Variants in CHST3 observed in about 807,000 individuals in gnomAD.
CHST3 encodes the protein C6ST-1.
CHST3 carries 20 observed loss-of-function variants against 35.4 expected under a neutral mutation model. The observed-to-expected ratio is 0.57, with a 90% CI of 0.40 to 0.82. CHST3 has a LOEUF of 0.82. Ranked by LOEUF, CHST3 falls within the 40% of genes least tolerant of loss-of-function variation. The probability of loss-of-function intolerance (pLI) is 0.00; values close to 1 mark genes in which losing one functional copy is unlikely to be tolerated. For synonymous variants in CHST3, 334 were observed against 295.9 expected (o/e 1.13, Z -1.32); for missense variants, 693 against 670.1 (o/e 1.03, Z -0.38).
intron 1 of CHST3, among the ~76,000 whole-genome samples, chr10:71,979,413 A>G (rs371593560): frequency 2.3e-4 from 34 of 148,774 alleles, no homozygotes; most frequent in Middle Eastern, 3.4e-3. Context: ...GTTAGATGGC[A>G]GGAGAGGGGT....
chr10:72,007,141 C>T, intron 2 of CHST3, 31 bp from the exon 3 acceptor site: 4 of 1,611,298 alleles, frequency 2.5e-6, no homozygotes, highest in Non-Finnish European at 3.4e-6. Flanking sequence ...CCCCAGTCAG[C>T]CACTGACCCT....
chr10:71,983,495 G>C (rs1419949395), intron 1 of CHST3, among the ~76,000 whole-genome samples: 1 of 152,098 alleles, frequency 6.6e-6, no homozygotes, highest in Admixed American at 6.5e-5. Flanking sequence ...CTGTTGCCCA[G>C]GCTAGAGTGC....
intron 1 of CHST3, among the ~76,000 whole-genome samples, chr10:71,975,437 C>T (rs1839735960): frequency 6.6e-6 from 1 of 152,156 alleles, no homozygotes; most frequent in South Asian, 2.1e-4. Context: ...AACATTTGCC[C>T]GATAAATTGT....
At chr10:71,986,426 G>A (rs1451814963) in intron 1 of CHST3, among the ~76,000 whole-genome samples, 2 of 152,188 alleles carry the variant, frequency 1.3e-5, no homozygotes, top group African/African-American at 2.4e-5. Context: ...TAAAACAGCC[G>A]CAGCAGATTC....
intron 1 of CHST3, among the ~76,000 whole-genome samples, chr10:71,989,177 GAAAA>G (rs1200207868): frequency 1.3e-5 from 2 of 151,912 alleles, no homozygotes; most frequent in Non-Finnish European, 2.9e-5. Flanking sequence ...AAGAAAGAAA[GAAAA>G]AGAAAGGAAG....
intron 1 of CHST3, among the ~76,000 whole-genome samples, chr10:72,000,043 C>A (rs907541647): frequency 3.9e-5 from 6 of 152,208 alleles, no homozygotes; most frequent in Admixed American, 3.9e-4. Flanking sequence ...AGTTGGTGGC[C>A]ATGGTTCGCA....
At chr10:72,007,014 A>G (rs939334086) in intron 2 of CHST3, among the ~76,000 whole-genome samples, 158 bp from the exon 3 acceptor site, 1 of 152,172 alleles carries the variant, frequency 6.6e-6, no homozygotes, top group Non-Finnish European at 1.5e-5. Flanking sequence ...TCATGTCCCA[A>G]ATAAACTTAC....
intron 1 of CHST3, among the ~76,000 whole-genome samples, chr10:71,987,485 G>A (rs560741941): frequency 5.9e-5 from 9 of 151,938 alleles, no homozygotes; most frequent in South Asian, 4.2e-4. Flanking sequence ...AGGCTGAGGC[G>A]GGCAGATCAC....
intron 1 of CHST3, among the ~76,000 whole-genome samples, chr10:71,965,306 T>G (rs1839618855): frequency 6.6e-6 from 1 of 150,924 alleles, no homozygotes; most frequent in South Asian, 2.1e-4. Context: ...GAGGAGGGAG[T>G]GATTCATAAA....
intron 1 of CHST3, among the ~76,000 whole-genome samples, chr10:72,003,029 C>T (rs1482672111): frequency 1.3e-5 from 2 of 152,176 alleles, no homozygotes; most frequent in Non-Finnish European, 2.9e-5. Context: ...GGAGGGGTGG[C>T]CAGAGGCTTC....
intron 1 of CHST3, among the ~76,000 whole-genome samples, chr10:71,996,939 T>C (rs371737197): frequency 5.8e-4 from 88 of 152,304 alleles, no homozygotes; most frequent in African/African-American, 2.1e-3. Context: ...TTTTGTTTTT[T>C]TGAGACAGGG....
intron 1 of CHST3, among the ~76,000 whole-genome samples, chr10:71,972,409 A>C (rs1162775164): frequency 6.6e-6 from 1 of 152,120 alleles, no homozygotes; most frequent in Non-Finnish European, 1.5e-5. Context: ...TATTGTGGGC[A>C]CTACCAGTGA....
At chr10:71,989,591 A>T (rs1399612676) in intron 1 of CHST3, among the ~76,000 whole-genome samples, 19 of 152,230 alleles carry the variant, frequency 1.2e-4, no homozygotes, top group Admixed American at 1.2e-3. Context: ...TGTGTGTAGG[A>T]TGATGGATTG....
intron 1 of CHST3, among the ~76,000 whole-genome samples, chr10:71,983,600 GC>G (rs1289163018): frequency 6.6e-6 from 1 of 152,056 alleles, no homozygotes; most frequent in Non-Finnish European, 1.5e-5. Context: ...ATAAGCACAT[GC>G]CACGATGCCT....
At chr10:71,968,884 A>G (rs1039948644) in intron 1 of CHST3, among the ~76,000 whole-genome samples, 2 of 152,132 alleles carry the variant, frequency 1.3e-5, no homozygotes, top group African/African-American at 4.8e-5. Context: ...AGTTGGGACA[A>G]AGCTGCCTCT....
chr10:71,998,444 C>T (rs1839962182), intron 1 of CHST3, among the ~76,000 whole-genome samples: 1 of 152,238 alleles, frequency 6.6e-6, no homozygotes, highest in Admixed American at 6.5e-5. Context: ...TCAGCCACAG[C>T]TCCTGACCAG....
chr10:72,001,965 G>A (rs11816049), intron 1 of CHST3, among the ~76,000 whole-genome samples: 4,063 of 152,276 alleles, frequency 0.027, 193 homozygotes, highest in African/African-American at 0.093. Flanking sequence ...CCTCCTGCAT[G>A]GTGAGTTCTG....
chr10:72,006,929 C>T (rs1237508887), intron 2 of CHST3, among the ~76,000 whole-genome samples: 1 of 152,238 alleles, frequency 6.6e-6, no homozygotes, highest in East Asian at 1.9e-4. Flanking sequence ...GATGCCCACA[C>T]CTGCTCCTAG....
intron 1 of CHST3, among the ~76,000 whole-genome samples, chr10:71,966,401 G>A (rs1215446942): frequency 2.6e-5 from 4 of 152,150 alleles, no homozygotes; most frequent in Non-Finnish European, 4.4e-5. Context: ...AGAAACATTC[G>A]TGTTCCTGGA....
Sources: gnomAD v4.1 joint callset for allele counts (sites outside exome capture counted in the v4.1 genomes callset) on GRCh38, gnomAD v4.1.1 for gene constraint, MANE v1.5 for transcripts, NCBI Gene and HGNC (gene_info 2026-07-23, HGNC 2026-07-21) for gene names.